The following KCNJ6 variants were observed in gnomAD, a reference collection of about 807,000 sequenced individuals.
KCNJ6 encodes potassium inwardly rectifying channel subfamily J member 6.
In KCNJ6, 9 loss-of-function variants were observed where a neutral mutation model predicts 34.2. The ratio of observed to expected loss-of-function variants is 0.26; its 90% CI spans 0.16 to 0.46. KCNJ6 has a LOEUF of 0.46. Ranked by LOEUF, KCNJ6 falls within the 20% of genes least tolerant of loss-of-function variation. The pLI, the probability that KCNJ6 is intolerant of heterozygous loss-of-function variation, is 1.00. For synonymous variants in KCNJ6, 196 were observed against 207.1 expected, an observed-to-expected ratio of 0.95 and a Z score of 0.46; for missense variants, 236 against 531.3, an observed-to-expected ratio of 0.44 and a Z score of 5.46.
intron 1 of KCNJ6, among the ~76,000 whole-genome samples, chr21:37,889,256 T>G (rs2055750241): frequency 6.6e-6 from 1 of 152,180 alleles, no homozygotes; most frequent in South Asian, 2.1e-4. Flanking sequence ...GTTTTGAGGT[T>G]TGTGTTTGTG....
chr21:37,725,928 G>A (rs911266345), intron 2 of KCNJ6, among the ~76,000 whole-genome samples: 2 of 151,916 alleles, frequency 1.3e-5, no homozygotes, highest in African/African-American at 4.8e-5. Flanking sequence ...TTTTTGAGAT[G>A]GAGTTTCACT....
intron 1 of KCNJ6, among the ~76,000 whole-genome samples, chr21:37,867,987 C>G (rs145583191): frequency 2.6e-5 from 4 of 152,176 alleles, no homozygotes; most frequent in Non-Finnish European, 4.4e-5. Flanking sequence ...CAGCAGAAAT[C>G]GCTAGTTCTT....
intron 2 of KCNJ6, among the ~76,000 whole-genome samples, chr21:37,753,596 G>C (rs1257695677): frequency 2.0e-5 from 3 of 152,204 alleles, no homozygotes; most frequent in Non-Finnish European, 2.9e-5. Context: ...CTGTGCAAAG[G>C]GCAGTCTGGA....
At chr21:37,692,634 C>A (rs894384656) in intron 3 of KCNJ6, among the ~76,000 whole-genome samples, 1 of 152,172 alleles carries the variant, frequency 6.6e-6, no homozygotes, top group Non-Finnish European at 1.5e-5. Flanking sequence ...GGCCTTCCTG[C>A]TCTCTGAAAT....
chr21:37,820,826 T>C (rs1298669185), intron 2 of KCNJ6, among the ~76,000 whole-genome samples: 4 of 152,188 alleles, frequency 2.6e-5, no homozygotes, highest in Non-Finnish European at 5.9e-5. Flanking sequence ...CCAAAAACCA[T>C]GAGGTATATG....
chr21:37,677,108 G>A (rs1223780966), intron 3 of KCNJ6, among the ~76,000 whole-genome samples: 2 of 152,208 alleles, frequency 1.3e-5, no homozygotes, highest in Non-Finnish European at 2.9e-5. Flanking sequence ...CAGGTGCCAC[G>A]ATGCTGGCAG....
At chr21:37,639,868 G>A (rs2054373506) in intron 3 of KCNJ6, among the ~76,000 whole-genome samples, 2 of 152,222 alleles carry the variant, frequency 1.3e-5, no homozygotes, top group South Asian at 4.2e-4. Flanking sequence ...TCTTCCTCCT[G>A]CTCCAGCCAT....
intron 3 of KCNJ6, among the ~76,000 whole-genome samples, chr21:37,711,658 T>A (rs533969746): frequency 6.6e-6 from 1 of 152,306 alleles, no homozygotes; most frequent in East Asian, 1.9e-4. Flanking sequence ...AAATCCTAAT[T>A]GAGCTTTTCA....
chr21:37,643,680 AC>A (rs1193997931), intron 3 of KCNJ6, among the ~76,000 whole-genome samples: 2 of 152,120 alleles, frequency 1.3e-5, no homozygotes, highest in Admixed American at 1.3e-4. Context: ...TCCTGTGCAA[AC>A]TATTGGTCTC....
intron 2 of KCNJ6, among the ~76,000 whole-genome samples, chr21:37,806,292 T>C (rs1239438107): frequency 2.0e-5 from 3 of 152,252 alleles, no homozygotes; most frequent in East Asian, 1.9e-4. Flanking sequence ...TGAAAGGAGA[T>C]AGGAAAGAGA....
In KCNJ6 at chr21:37,714,593, G is replaced by T. The variant is rs2054779803; in HGVS notation, c.564C>A (p.Cys188Ter). 1 of 1,613,942 alleles carries T rather than the reference G, an allele frequency of 6.2e-7. No individual in the cohort carries two copies. Among genetic ancestry groups the T allele is most frequent in the Non-Finnish European group, 8.5e-7 (1 of 1,180,010 alleles). Residue 188 changes from cysteine (C) to a stop codon, truncating the protein, a stop_gained, in exon 3 of 4, where the codon TGC (cysteine) becomes TGA (stop). Coordinates refer to ENST00000609713, the MANE Select transcript of KCNJ6 (RefSeq NM_002240.5). LOFTEE classifies it high-confidence loss of function. The surrounding 1 kb of genome is among the most constrained non-coding windows in gnomAD (Gnocchi z 5.9). ...TGGGTTGAGAGATTTTTACAAACAT[G>T]CATCCCACCATGAATGCATTGACAA... Reference protein sequence around the residue: ...GSIVNAFMVGCMFVKISQPKK... With the variant: ...GSIVNAFMVG
chr21:37,820,625 G>T (rs1032953082), intron 2 of KCNJ6, among the ~76,000 whole-genome samples: 1 of 152,042 alleles, frequency 6.6e-6, no homozygotes, highest in Admixed American at 6.6e-5. Flanking sequence ...ACCCATTCAG[G>T]TTCCATAATT....
intron 1 of KCNJ6, among the ~76,000 whole-genome samples, chr21:37,886,932 G>GT (rs548644272): frequency 0.032 from 4,069 of 126,984 alleles, 140 homozygotes; most frequent in African/African-American, 0.085. Flanking sequence ...ATCCAACCTT[G>GT]TTTTTTTTTT....
chr21:37,661,810 A>G (rs2054490864), intron 3 of KCNJ6, among the ~76,000 whole-genome samples: 1 of 142,698 alleles, frequency 7.0e-6, no homozygotes, highest in South Asian at 2.2e-4. Context: ...TTTTTTTTTT[A>G]GTACAGACGG....
chr21:37,656,971 A>G (rs1347358213), intron 3 of KCNJ6, among the ~76,000 whole-genome samples: 5 of 152,152 alleles, frequency 3.3e-5, no homozygotes, highest in Admixed American at 6.5e-5. Context: ...GATGTCAGTG[A>G]TGGCGCTGTC....
At chr21:37,729,104 G>A (rs1313476837) in intron 2 of KCNJ6, among the ~76,000 whole-genome samples, 1 of 152,018 alleles carries the variant, frequency 6.6e-6, no homozygotes, top group Non-Finnish European at 1.5e-5. Flanking sequence ...CCTGGTGACA[G>A]CTTCTAAAGG....
chr21:37,724,747 C>T (rs1200121053), intron 2 of KCNJ6, among the ~76,000 whole-genome samples: 3 of 152,084 alleles, frequency 2.0e-5, no homozygotes, highest in Admixed American at 1.3e-4. Context: ...GAGCTGAGGG[C>T]GACCTGGACC....
At chr21:37,715,999 T>C (rs1007712132) in intron 2 of KCNJ6, among the ~76,000 whole-genome samples, 5 of 152,238 alleles carry the variant, frequency 3.3e-5, no homozygotes, top group Non-Finnish European at 7.3e-5. Context: ...TTGATCATGA[T>C]ACCCAACTCA....
chr21:37,735,872 C>G (rs1339340892), intron 2 of KCNJ6, among the ~76,000 whole-genome samples: 1 of 152,294 alleles, frequency 6.6e-6, no homozygotes, highest in African/African-American at 2.4e-5. Context: ...AATCAAACGG[C>G]CTTCCTTGAA....
Sources: gnomAD v4.1 joint callset for allele counts (sites outside exome capture counted in the v4.1 genomes callset) on GRCh38, gnomAD v4.1.1 for gene constraint, Gnocchi (gnomAD v3.1) non-coding constraint, MANE v1.5 for transcripts, NCBI Gene and HGNC (gene_info 2026-07-23, HGNC 2026-07-21) for gene names.